The following PRKN variants were observed in gnomAD, a reference collection of about 807,000 sequenced individuals.
The protein encoded by PRKN is E3 ubiquitin-protein ligase parkin.
A neutral mutation model predicts 59.5 loss-of-function variants in PRKN; 56 were observed. The ratio of observed to expected loss-of-function variants is 0.94; its 90% CI spans 0.76 to 1.18. The LOEUF (loss-of-function observed/expected upper bound fraction) is 1.18, where lower values mean the gene tolerates loss of function less well. Among genes scored for constraint, PRKN ranks in the 50% most tolerant of loss-of-function variants. PRKN has a pLI of 0.00. For synonymous variants in PRKN, 250 were observed against 222.1 expected (o/e 1.13, Z -1.12); for missense variants, 657 against 596.4 (o/e 1.10, Z -1.06).
At chr6:162,516,180 G>A (rs1023646684) in intron 1 of PRKN, among the ~76,000 whole-genome samples, 1 of 152,048 alleles carries the variant, frequency 6.6e-6, no homozygotes, top group Non-Finnish European at 1.5e-5. Flanking sequence ...CATCTTTGAC[G>A]TGTGGTCCCT....
At chr6:161,389,250 G>A (rs12199584) in intron 9 of PRKN, among the ~76,000 whole-genome samples, 18,411 of 152,000 alleles carry the variant, frequency 0.12, 1,358 homozygotes, top group Non-Finnish European at 0.17. Context: ...CCTTTCCTAC[G>A]TCCAATTTCT....
intron 9 of PRKN, among the ~76,000 whole-genome samples, chr6:161,432,417 T>G (rs922578516): frequency 8.0e-5 from 12 of 149,744 alleles, no homozygotes; most frequent in African/African-American, 3.0e-4. Flanking sequence ...GGCTGGAGTT[T>G]AATGGCGCCA....
chr6:161,364,109 C>T (rs1785090648), intron 10 of PRKN, among the ~76,000 whole-genome samples: 1 of 142,232 alleles, frequency 7.0e-6, no homozygotes, highest in Non-Finnish European at 1.5e-5. Flanking sequence ...GCTGAGCTTG[C>T]AGTGAGCCGA....
At chr6:162,039,362 T>C (rs934832019) in intron 5 of PRKN, among the ~76,000 whole-genome samples, 1 of 152,176 alleles carries the variant, frequency 6.6e-6, no homozygotes, top group Non-Finnish European at 1.5e-5. Flanking sequence ...AGATCCCCAT[T>C]GTTGGAGGTG....
At chr6:162,465,402 C>T (rs1245751302) in intron 1 of PRKN, among the ~76,000 whole-genome samples, 1 of 152,120 alleles carries the variant, frequency 6.6e-6, no homozygotes, top group Non-Finnish European at 1.5e-5. Flanking sequence ...GAGAGATGCA[C>T]AACACTTAAT....
At chr6:162,527,310 T>C (rs1778326465) in intron 1 of PRKN, among the ~76,000 whole-genome samples, 1 of 152,232 alleles carries the variant, frequency 6.6e-6, no homozygotes, top group Admixed American at 6.5e-5. Context: ...AGAGCTAATC[T>C]GCATTTTAAA....
At chr6:161,387,213 T>A (rs915089036) in intron 9 of PRKN, among the ~76,000 whole-genome samples, 4 of 152,156 alleles carry the variant, frequency 2.6e-5, no homozygotes, top group Non-Finnish European at 5.9e-5. Context: ...ATAATCCCCA[T>A]GTGTCATGGG....
intron 4 of PRKN, among the ~76,000 whole-genome samples, chr6:162,128,557 C>A (rs1421318164): frequency 2.6e-5 from 4 of 152,288 alleles, no homozygotes; most frequent in African/African-American, 9.6e-5. Flanking sequence ...GGAGAGAAAG[C>A]AAGTCCACAT....
chr6:161,472,084 G>A (rs1790819958), intron 9 of PRKN, among the ~76,000 whole-genome samples: 2 of 152,116 alleles, frequency 1.3e-5, no homozygotes, highest in African/African-American at 4.8e-5. Context: ...TTGGACCAGG[G>A]TGTTTTGTAG....
intron 1 of PRKN, among the ~76,000 whole-genome samples, chr6:162,454,886 C>G (rs905275196): frequency 1.3e-5 from 2 of 152,220 alleles, no homozygotes; most frequent in Non-Finnish European, 2.9e-5. Flanking sequence ...TAACCCAACC[C>G]GTTAACTCAC....
At chr6:162,052,360 CTTTTA>C (rs1016027363) in intron 5 of PRKN, among the ~76,000 whole-genome samples, 1 of 151,538 alleles carries the variant, frequency 6.6e-6, no homozygotes, top group African/African-American at 2.4e-5. Flanking sequence ...TTTTTTTAAT[CTTTTA>C]TTTTTTAAAC....
intron 5 of PRKN, among the ~76,000 whole-genome samples, chr6:162,002,874 C>T (rs575825436): frequency 1.3e-4 from 19 of 151,942 alleles, no homozygotes; most frequent in African/African-American, 4.6e-4. Flanking sequence ...TATTATTTGA[C>T]TCATGTGTTA....
At chr6:162,346,628 C>T (rs771991502) in intron 2 of PRKN, among the ~76,000 whole-genome samples, 9 of 151,770 alleles carry the variant, frequency 5.9e-5, no homozygotes, top group Non-Finnish European at 1.2e-4. Flanking sequence ...CCCCATACCC[C>T]CACCCCCAAA....
chr6:162,326,481 A>G (rs1000857483), intron 2 of PRKN, among the ~76,000 whole-genome samples: 9 of 152,158 alleles, frequency 5.9e-5, no homozygotes, highest in African/African-American at 2.2e-4. Flanking sequence ...AATCTCATAT[A>G]AAACTACCTC....
At position 161,936,831 on chromosome 6, in the gene PRKN, G is replaced by T. The variant is rs544061684; in HGVS notation, c.734+36471C>A. Among the ~76,000 whole-genome samples, 128 of 151,164 alleles carry T rather than the reference G, an allele frequency of 8.5e-4. No individual in the cohort carries two copies. In the South Asian group the frequency reaches 0.013, roughly 16 times the overall value. On this transcript the variant is annotated intron_variant, in intron 6 of 11. Transcript: ENST00000366898. ...GACAGAGTCTTGCTCTGTCACCCAG[G>T]CTGAAGTGCAGTAGCGTGATCTTGG...
At chr6:161,613,004 T>C (rs750500077) in intron 7 of PRKN, among the ~76,000 whole-genome samples, 1 of 152,226 alleles carries the variant, frequency 6.6e-6, no homozygotes, top group Non-Finnish European at 1.5e-5. Flanking sequence ...ATTTCAACTT[T>C]TGAGTCTTAT....
chr6:162,370,547 A>C (rs12211436), intron 2 of PRKN, among the ~76,000 whole-genome samples: 53,727 of 151,942 alleles, frequency 0.35, 9,942 homozygotes, highest in East Asian at 0.64. Context: ...CATAATGGTT[A>C]CTTTAATTGG....
intron 4 of PRKN, among the ~76,000 whole-genome samples, chr6:162,125,312 C>T (rs1265572343): frequency 6.6e-6 from 1 of 152,186 alleles, no homozygotes; most frequent in African/African-American, 2.4e-5. Flanking sequence ...GAGGGAGAAA[C>T]ACAGCCCCCC....
intron 6 of PRKN, among the ~76,000 whole-genome samples, chr6:161,836,584 A>AT (rs796384432): frequency 2.7e-4 from 41 of 152,296 alleles, no homozygotes; most frequent in African/African-American, 9.6e-4. Flanking sequence ...CTACACTGTG[A>AT]TTTTCTACGT....
Sources: gnomAD v4.1 joint callset for allele counts (sites outside exome capture counted in the v4.1 genomes callset) on GRCh38, gnomAD v4.1.1 for gene constraint, MANE v1.5 for transcripts, NCBI Gene and HGNC (gene_info 2026-07-23, HGNC 2026-07-21) for gene names.